Variants in RGS22 observed in about 807,000 individuals in gnomAD.
RGS22 encodes regulator of G protein signaling 22.
In RGS22, 148 loss-of-function variants were observed where a neutral mutation model predicts 172.9. That is an observed-to-expected ratio of 0.86 (90% CI 0.75 to 0.98). The LOEUF (loss-of-function observed/expected upper bound fraction) is 0.98, where lower values mean the gene tolerates loss of function less well. RGS22 is among the 50% of genes least tolerant of loss of function. The probability of loss-of-function intolerance (pLI) is 0.00; values close to 1 mark genes in which losing one functional copy is unlikely to be tolerated. For missense variants in RGS22, 1,347 were observed against 1,440.8 expected, an observed-to-expected ratio of 0.93 and a Z score of 1.05; for synonymous variants, 458 against 480.2, an observed-to-expected ratio of 0.95 and a Z score of 0.60.
chr8:99,975,647 T>C (rs1811848580), intron 23 of RGS22, among the ~76,000 whole-genome samples: 1 of 152,084 alleles, frequency 6.6e-6, no homozygotes. Flanking sequence ...CTTTTTACTA[T>C]TATAAGTGAT....
chr8:100,072,643 AG>A (rs562372038), intron 4 of RGS22, among the ~76,000 whole-genome samples: 2 of 152,142 alleles, frequency 1.3e-5, no homozygotes, highest in Non-Finnish European at 2.9e-5. Context: ...AAGTCACTGC[AG>A]GCCCCTTGTT....
intron 3 of RGS22, among the ~76,000 whole-genome samples, chr8:100,081,909 CTTTTTTT>C (rs201340859): frequency 0.13 from 16,305 of 125,374 alleles, 1,571 homozygotes; most frequent in African/African-American, 0.29. Flanking sequence ...TATTGTTTTC[CTTTTTTT>C]TTTTTTTTTT....
In RGS22 at chr8:100,064,017, G is replaced by A. The variant is rs1352624299; in HGVS notation, c.751C>T (p.His251Tyr). The change falls in exon 8 of 28, where the codon CAC becomes TAC. Residue 251 changes from histidine (H) to tyrosine (Y), a missense_variant. Physicochemically the swap from His to Tyr is moderately conservative, Grantham distance 83. Coordinates refer to ENST00000360863, the MANE Select transcript of RGS22 (RefSeq NM_015668.5). ...SENFIFDDGV[H>Y]PRTKKDPSKT... ...GATGGGTCCTTTTTTGTCCTAGGGT[G>A]AACTCCATCATCAAAGATAAAATTC... 6.6e-7 allele frequency: 1 copy of A among 1,514,448 alleles called. No homozygotes were observed. Among genetic ancestry groups the A allele is most frequent in the Non-Finnish European group, 8.8e-7 (1 of 1,135,872 alleles). The allele number at this position is 1,514,448 out of a possible 1,614,324, so 93.8% of individuals were successfully genotyped here. A position where few individuals can be genotyped will look rare whatever the true frequency, so the allele number is the denominator to read the frequency against.
intron 9 of RGS22, among the ~76,000 whole-genome samples, chr8:100,057,501 T>G (rs1377725075): frequency 6.6e-6 from 1 of 152,170 alleles, no homozygotes; most frequent in African/African-American, 2.4e-5. Context: ...CCATGGGTCA[T>G]GGGAGGAACC....
intron 26 of RGS22, 80 bp from the exon 27 acceptor site, chr8:99,962,523 A>G: frequency 2.0e-6 from 3 of 1,502,736 alleles, no homozygotes; most frequent in Non-Finnish European, 2.8e-6. Flanking sequence ...AGAGAGAAGC[A>G]GGACTCACAC....
At chr8:100,005,996 C>T (rs752976759) in intron 16 of RGS22, 21 bp downstream of exon 16, 1 of 1,603,052 alleles carries the variant, frequency 6.2e-7, no homozygotes, top group South Asian at 1.1e-5. Context: ...GTTTGTTTTT[C>T]TAAGTAGAAA....
chr8:99,992,648 A>C (rs1002265890), intron 20 of RGS22, among the ~76,000 whole-genome samples: 4 of 152,154 alleles, frequency 2.6e-5, no homozygotes. Flanking sequence ...AGAGACTTAG[A>C]CTCCCACACA....
chr8:99,973,333 T>C (rs1811575115), intron 23 of RGS22, among the ~76,000 whole-genome samples: 1 of 151,922 alleles, frequency 6.6e-6, no homozygotes, highest in South Asian at 2.1e-4. Context: ...ACTACACAGG[T>C]ATAAAAAACA....
chr8:99,971,117 T>A (rs904426736), intron 23 of RGS22, among the ~76,000 whole-genome samples: 1 of 152,006 alleles, frequency 6.6e-6, no homozygotes, highest in African/African-American at 2.4e-5. Flanking sequence ...ACAGAACCAA[T>A]GACAAAAACC....
intron 15 of RGS22, 39 bp downstream of exon 15, chr8:100,008,336 C>T (rs1254119626): frequency 3.2e-6 from 5 of 1,573,826 alleles, no homozygotes; most frequent in Non-Finnish European, 4.3e-6. Context: ...TGTAGTAAAC[C>T]TGAATGGTTT....
chr8:100,030,184 C>G (rs140404483), intron 14 of RGS22, among the ~76,000 whole-genome samples: 3 of 152,198 alleles, frequency 2.0e-5, no homozygotes, highest in African/African-American at 7.2e-5. Context: ...CCTAGTAACA[C>G]TGTAGCACAT....
chr8:99,976,072 C>T lies in RGS22; in HGVS notation c.3519+1845G>A, dbSNP rs556836736. ...TGGCATGGTGGCATGTGCCTGTAGT[C>T]CCAGCTACTCAGGAGGCTGAGGCAC... On this transcript the variant is annotated intron_variant, in intron 23 of 27. Transcript: ENST00000360863. Among the ~76,000 whole-genome samples, 24 of 152,124 alleles carry T rather than the reference C, an allele frequency of 1.6e-4. No individual in the cohort carries two copies. In the East Asian group the frequency reaches 4.7e-3, roughly 30 times the overall value.
chr8:100,044,465 T>C (rs913563652), intron 11 of RGS22, among the ~76,000 whole-genome samples: 1 of 152,188 alleles, frequency 6.6e-6, no homozygotes, highest in Non-Finnish European at 1.5e-5. Context: ...CAGGCTGGCC[T>C]GAAACTCCTA....
At chr8:100,095,936 T>C (rs1812932613) in intron 2 of RGS22, among the ~76,000 whole-genome samples, 1 of 152,232 alleles carries the variant, frequency 6.6e-6, no homozygotes, top group South Asian at 2.1e-4. Flanking sequence ...TGCCTGCAAG[T>C]GCGATCTGCT....
At chr8:100,001,202 T>TTATATATATATACATATATACA (rs1554611099) in intron 18 of RGS22, among the ~76,000 whole-genome samples, 6 of 124,780 alleles carry the variant, frequency 4.8e-5, no homozygotes, top group African/African-American at 1.8e-4. Context: ...TCCCAATTTT[T>TTATATATATATACATATATACA]TATATATATA....
intron 3 of RGS22, among the ~76,000 whole-genome samples, chr8:100,082,760 C>G (rs1190412560): frequency 6.6e-6 from 1 of 152,172 alleles, no homozygotes; most frequent in African/African-American, 2.4e-5. Context: ...TTCTCTACAC[C>G]AAGTTCTTTG....
At chr8:99,999,168 A>C (rs552975659) in intron 19 of RGS22, 94 bp downstream of exon 19, 37 of 1,185,050 alleles carry the variant, frequency 3.1e-5, no homozygotes, top group Non-Finnish European at 4.3e-5. Context: ...TAAAAAAAAA[A>C]AAAAAGGACA....
chr8:99,989,779 A>G (rs1421187295), intron 20 of RGS22, among the ~76,000 whole-genome samples: 1 of 152,128 alleles, frequency 6.6e-6, no homozygotes, highest in East Asian at 1.9e-4. Flanking sequence ...TGGGAGGCAG[A>G]GGTTGCAGTG....
At chr8:100,088,251 G>GTC (rs1812306672) in intron 3 of RGS22, among the ~76,000 whole-genome samples, 1 of 152,072 alleles carries the variant, frequency 6.6e-6, no homozygotes, top group Non-Finnish European at 1.5e-5. Context: ...ACTAAGCATG[G>GTC]TCTGGCAAAC....
Sources: allele counts gnomAD v4.1 joint callset (sites outside exome capture counted in the v4.1 genomes callset), GRCh38; gene constraint gnomAD v4.1.1; transcripts MANE v1.5; gene names NCBI Gene and HGNC (gene_info 2026-07-23, HGNC 2026-07-21).